The following STRBP variants were observed in gnomAD, a reference collection of about 807,000 sequenced individuals.
The protein encoded by STRBP is spermatid perinuclear RNA binding protein, also known as spermatid perinuclear RNA-binding protein.
In STRBP, 13 loss-of-function variants were observed where a neutral mutation model predicts 80.1. That is an observed-to-expected ratio of 0.16 (90% CI 0.11 to 0.26). The LOEUF is 0.26. Ranked by LOEUF, STRBP falls within the 10% of genes least tolerant of loss-of-function variation. The pLI is 1.00. For synonymous variants in STRBP, 284 were observed against 291.2 expected (o/e 0.98, Z 0.25); for missense variants, 485 against 815.2 (o/e 0.59, Z 4.93).
chr9:123,151,006 C>T (rs2037034696), intron 11 of STRBP, among the ~76,000 whole-genome samples: 1 of 152,182 alleles, frequency 6.6e-6, no homozygotes, highest in East Asian at 1.9e-4. Flanking sequence ...CATTACTCTA[C>T]ACTTTAAATT....
intron 11 of STRBP, among the ~76,000 whole-genome samples, chr9:123,148,740 G>C (rs115137665): frequency 1.3e-5 from 2 of 152,172 alleles, no homozygotes; most frequent in African/African-American, 4.8e-5. Context: ...TCTCATATCA[G>C]AGATTTTATA....
intron 16 of STRBP, among the ~76,000 whole-genome samples, chr9:123,133,465 G>A (rs2036224344): frequency 6.6e-6 from 1 of 152,156 alleles, no homozygotes; most frequent in Non-Finnish European, 1.5e-5. Context: ...TGTGACCTCA[G>A]GAAGGTAATA....
intron 6 of STRBP, among the ~76,000 whole-genome samples, chr9:123,163,177 G>A (rs2037601190): frequency 6.6e-6 from 1 of 152,200 alleles, no homozygotes; most frequent in African/African-American, 2.4e-5. Context: ...TAACACAGAG[G>A]ATAGGAAAAG....
intron 2 of STRBP, among the ~76,000 whole-genome samples, chr9:123,193,861 C>T (rs1024949875): frequency 2.6e-5 from 4 of 152,112 alleles, no homozygotes; most frequent in Non-Finnish European, 5.9e-5. Context: ...ACATCATTAA[C>T]CATGTACCAT....
Position 123,124,185 on chromosome 9 carries a change from G to C in STRBP, c.*1412C>G. ...AAGCCCATTCTCATGGATGGGCCCT[G>C]TCAAGTTCCCAAAAGCAGAACTGAA... On this transcript the variant is annotated 3_prime_UTR_variant, in exon 19 of 19. Transcript: ENST00000348403. 1.0e-6 allele frequency: 1 copy of C among 985,392 alleles called. No individual in the cohort carries two copies. The highest frequency in any genetic ancestry group is 1.2e-6 in the Non-Finnish European group (1 of 829,932). 61.0% of individuals were successfully genotyped at this position (985,392 alleles called of 1,614,324 possible).
intron 1 of STRBP, among the ~76,000 whole-genome samples, chr9:123,249,821 T>C (rs1564335632): frequency 6.6e-6 from 1 of 152,302 alleles, no homozygotes; most frequent in East Asian, 1.9e-4. Flanking sequence ...AAAACTATTT[T>C]CCAAGTAGTA....
rs185384439 is a variant in STRBP at position 123,139,726 on chromosome 9, C to G, written c.1339-39G>C. 2.6e-4 allele frequency: 421 copies of G among 1,590,328 alleles called. 1 individual carries two copies. Among genetic ancestry groups the G allele is most frequent in the Non-Finnish European group, 3.2e-4 (371 of 1,171,652 alleles). ...ATTAAAATGCAGTTTTATTCAGACA[C>G]GAGAAACCAGAGAATAGACAAAATA... On this transcript the variant is annotated intron_variant, in intron 13 of 18. Coordinates refer to ENST00000348403, the MANE Select transcript of STRBP (RefSeq NM_018387.5).
At chr9:123,261,667 T>A (rs896341835) in intron 1 of STRBP, among the ~76,000 whole-genome samples, 1 of 152,256 alleles carries the variant, frequency 6.6e-6, no homozygotes, top group Non-Finnish European at 1.5e-5. Flanking sequence ...CGATGTTTGC[T>A]ATCTGTTCTT....
At chr9:123,248,261 GTT>G (rs1223848724) in intron 1 of STRBP, among the ~76,000 whole-genome samples, 192 of 75,404 alleles carry the variant, frequency 2.5e-3, no homozygotes, top group African/African-American at 1.0e-2. Context: ...CCCCTATCGT[GTT>G]TTTTTTTTTT....
In STRBP at chr9:123,124,653, C is replaced by A; in HGVS notation, c.*944G>T. Reference sequence around the variant, plus strand: ...TAATCTTCTATCTGCATGAAAAAAGCCAGGGAGTGAACACAATATCTTACA... The same window carrying A: ...TAATCTTCTATCTGCATGAAAAAAGACAGGGAGTGAACACAATATCTTACA... On this transcript the variant is annotated 3_prime_UTR_variant, in exon 19 of 19. Coordinates refer to ENST00000348403, the MANE Select transcript of STRBP (RefSeq NM_018387.5). The A allele has an allele frequency of 2.0e-6, 2 of 985,340 alleles. No homozygotes were observed. The highest frequency in any genetic ancestry group is 9.4e-5 in the South Asian group (2 of 21,280). 61.0% of individuals were successfully genotyped at this position (985,340 alleles called of 1,614,324 possible). A position where few individuals can be genotyped will look rare whatever the true frequency, so the allele number is the denominator to read the frequency against.
chr9:123,256,898 CT>C (rs754149758), intron 1 of STRBP, among the ~76,000 whole-genome samples: 624 of 134,054 alleles, frequency 4.7e-3, no homozygotes, highest in Admixed American at 5.8e-3. Context: ...AGCCAGGAAT[CT>C]TTTTTTTTTT....
intron 3 of STRBP, chr9:123,111,326 C>T (rs1297317836): frequency 1.6e-5 from 4 of 256,470 alleles, no homozygotes; most frequent in South Asian, 4.2e-5. Context: ...ACCTAAGACA[C>T]GACTTGTAAA....
chr9:123,216,870 T>C (rs1167026026), intron 2 of STRBP, among the ~76,000 whole-genome samples: 2 of 152,200 alleles, frequency 1.3e-5, no homozygotes, highest in Non-Finnish European at 2.9e-5. Flanking sequence ...TCAGTCTCTA[T>C]TTTAAGGTTT....
At position 123,123,486 on chromosome 9, in the gene STRBP, G is replaced by C; in HGVS notation, c.*2111C>G. 2 of 984,410 alleles carry C rather than the reference G, an allele frequency of 2.0e-6. No individual in the cohort carries two copies. The highest frequency in any genetic ancestry group is 2.4e-6 in the Non-Finnish European group (2 of 829,868). The allele number at this position is 984,410 out of a possible 1,614,324, so 61.0% of individuals were successfully genotyped here. A position where few individuals can be genotyped will look rare whatever the true frequency, so the allele number is the denominator to read the frequency against. On this transcript the variant is annotated 3_prime_UTR_variant, in exon 19 of 19. Transcript: ENST00000348403. The stretch of plus-strand genomic sequence containing the variant: ...AGAAATGTAAAAGTTTGCAGCAACT[G>C]GGCAGGTTTACAACATGGTTAGTAA...
chr9:123,221,454 T>C (rs1051764936), intron 2 of STRBP, among the ~76,000 whole-genome samples: 1 of 152,218 alleles, frequency 6.6e-6, no homozygotes, highest in African/African-American at 2.4e-5. Flanking sequence ...CAGAGTCATA[T>C]TTTATTATCA....
At chr9:123,233,746 T>C (rs981994804) in intron 2 of STRBP, among the ~76,000 whole-genome samples, 4 of 152,230 alleles carry the variant, frequency 2.6e-5, no homozygotes, top group Non-Finnish European at 4.4e-5. Context: ...TAAATAAACA[T>C]GCTCATGTTA....
intron 1 of STRBP, among the ~76,000 whole-genome samples, chr9:123,240,831 C>T (rs746279879): frequency 5.3e-5 from 8 of 152,144 alleles, no homozygotes; most frequent in Non-Finnish European, 7.4e-5. Context: ...ACAATCCTGA[C>T]CTCCGCCTGG....
chr9:123,166,018 T>C (rs2037743121), intron 6 of STRBP, among the ~76,000 whole-genome samples: 1 of 152,230 alleles, frequency 6.6e-6, no homozygotes, highest in African/African-American at 2.4e-5. Flanking sequence ...CTGACTATGT[T>C]AATTCACTTA....
rs552266063 is a variant in STRBP at position 123,191,063 on chromosome 9, G to C, written c.-164-6765C>G. On this transcript the variant is annotated intron_variant, in intron 2 of 18. Transcript: ENST00000348403. ...TCCTTGCCCTTGTGGTTTAAGTCCA[G>C]AAGAGGGAAATAATCAAAAGACAAT... is the stretch of plus-strand genomic sequence containing the variant. 9.9e-5 allele frequency among the ~76,000 whole-genome samples: 15 copies of C among 152,264 alleles called. No individual in the cohort carries two copies. In the South Asian group the frequency reaches 3.1e-3, roughly 32 times the overall value.
Sources: allele counts gnomAD v4.1 joint callset (sites outside exome capture counted in the v4.1 genomes callset), GRCh38; gene constraint gnomAD v4.1.1; transcripts MANE v1.5; gene names NCBI Gene and HGNC (gene_info 2026-07-23, HGNC 2026-07-21).